The following AFF1 variants were observed in gnomAD, a reference collection of about 807,000 sequenced individuals.
The protein encoded by AFF1 is ALF transcription elongation factor 1, also known as AF4/FMR2 family member 1.
AFF1 carries 48 observed loss-of-function variants against 121.7 expected under a neutral mutation model. The observed-to-expected ratio is 0.39, with a 90% CI of 0.31 to 0.50. The LOEUF is 0.50. Among genes scored for constraint, AFF1 ranks in the 20% least tolerant of loss-of-function variants. The pLI, the probability that AFF1 is intolerant of heterozygous loss-of-function variation, is 0.76. For missense variants in AFF1, 1,523 were observed against 1,511.7 expected (o/e 1.01, Z -0.12); for synonymous variants, 613 against 563.0 (o/e 1.09, Z -1.26).
chr4:87,051,866 A>G (rs1731299795), intron 4 of AFF1, among the ~76,000 whole-genome samples: 1 of 152,148 alleles, frequency 6.6e-6, no homozygotes, highest in Non-Finnish European at 1.5e-5. Context: ...GGTCTCATAG[A>G]CCATCTATTC....
At chr4:87,115,381 T>G in intron 12 of AFF1, 82 bp downstream of exon 12, 2 of 1,331,756 alleles carry the variant, frequency 1.5e-6, no homozygotes, top group East Asian at 5.1e-5. Flanking sequence ...GGCCTTTGAT[T>G]TAGGCCCAGT....
chr4:87,013,032 CT>C (rs61071328), intron 2 of AFF1, among the ~76,000 whole-genome samples: 1,172 of 93,218 alleles, frequency 0.013, 10 homozygotes, highest in East Asian at 0.047. Context: ...CTATCAAGTT[CT>C]TTTTTTTTTT....
At chr4:87,017,391 TC>T (rs911471344) in intron 2 of AFF1, among the ~76,000 whole-genome samples, 1 of 152,138 alleles carries the variant, frequency 6.6e-6, no homozygotes, top group African/African-American at 2.4e-5. Context: ...CCGCTCATTT[TC>T]CCCCATATAC....
intron 8 of AFF1, among the ~76,000 whole-genome samples, chr4:87,103,805 A>G (rs565243923): frequency 2.0e-5 from 3 of 152,344 alleles, no homozygotes; most frequent in Admixed American, 1.3e-4. Flanking sequence ...GTTGGATTAC[A>G]TGATCATTGA....
chr4:87,060,834 T>TAAAAAA (rs1720676353), intron 4 of AFF1, among the ~76,000 whole-genome samples: 1 of 32,244 alleles, frequency 3.1e-5, no homozygotes, highest in Non-Finnish European at 6.1e-5. Flanking sequence ...AGACTCTGTC[T>TAAAAAA]CAAAAAAAAA....
rs549510832 is a variant in AFF1, at chr4:87,081,152, A to ATTTTTTTTTTTT, written c.1060-2952_1060-2941dup. On this transcript the variant is annotated intron_variant, in intron 4 of 20. Transcript: ENST00000395146. The stretch of plus-strand genomic sequence containing the variant: ...TTGTAGTTTTTCTCTAATGAAATGA[A>ATTTTTTTTTTTT]TTTTTTTTTTTTTTTTTTTTTTTTT... Among the ~76,000 whole-genome samples the ATTTTTTTTTTTT allele has an allele frequency of 7.7e-4, 69 of 89,712 alleles. 11 individuals carry two copies. The highest frequency in any genetic ancestry group is 3.0e-3 in the African/African-American group (67 of 22,698). 58.9% of individuals were successfully genotyped at this position (89,712 alleles called of 152,430 possible).
intron 2 of AFF1, chr4:86,973,989 C>G (rs918827714): frequency 1.6e-4 from 24 of 152,162 alleles, no homozygotes; most frequent in African/African-American, 5.1e-4. Flanking sequence ...GATAAACGCT[C>G]TAGCAGAAGA....
chr4:86,959,090 C>T (rs1477712676), intron 2 of AFF1, among the ~76,000 whole-genome samples: 1 of 152,152 alleles, frequency 6.6e-6, no homozygotes, highest in Non-Finnish European at 1.5e-5. Flanking sequence ...CACAGAACAG[C>T]CCCCACCACA....
intron 2 of AFF1, among the ~76,000 whole-genome samples, chr4:87,033,835 A>C (rs1288340164): frequency 6.6e-6 from 1 of 152,166 alleles, no homozygotes; most frequent in Non-Finnish European, 1.5e-5. Flanking sequence ...GTTAACTTCA[A>C]AATTTATTTA....
rs1287958753 is a variant in AFF1 at position 87,094,922 on chromosome 4, T to C, written c.1236T>C (p.Tyr412=). Residue 412 remains tyrosine, a synonymous_variant, in exon 8 of 21, where the codon TAT becomes TAC. Transcript: ENST00000395146. Reference sequence around the variant, plus strand: ...TGTTTCTCTCCCCCACAGAACAATATGATACATCTTCAAAAACTCACTCAA... The same window carrying C: ...TGTTTCTCTCCCCCACAGAACAATACGATACATCTTCAAAAACTCACTCAA... ...VSSVTQNQKQ[Y]DTSSKTHSNS... The C allele has an allele frequency of 9.9e-6, 16 of 1,613,620 alleles. No homozygotes were observed. Among genetic ancestry groups the C allele is most frequent in the Middle Eastern group, 1.6e-4 (1 of 6,084 alleles).
At chr4:87,044,572 G>T (rs995601293) in intron 2 of AFF1, among the ~76,000 whole-genome samples, 1 of 152,174 alleles carries the variant, frequency 6.6e-6, no homozygotes, top group Non-Finnish European at 1.5e-5. Context: ...AAGGATGGGG[G>T]TGTGTGGTGG....
chr4:87,024,034 G>A lies in AFF1; in HGVS notation c.39-22132G>A, dbSNP rs74856633. 3.9e-3 allele frequency among the ~76,000 whole-genome samples: 593 copies of A among 152,252 alleles called. 3 individuals carry two copies. Among genetic ancestry groups the A allele is most frequent in the African/African-American group, 0.013 (557 of 41,528 alleles). On this transcript the variant is annotated intron_variant, in intron 2 of 20. Coordinates refer to ENST00000395146, the MANE Select transcript of AFF1 (RefSeq NM_001166693.3). ...CTTTTATTAAGCAATTATTTATTGA[G>A]CATTCTGTTATGTTCTGATCTCTGA... is the stretch of plus-strand genomic sequence containing the variant.
chr4:87,115,369 T>C, intron 12 of AFF1, 70 bp downstream of exon 12: 1 of 1,409,714 alleles, frequency 7.1e-7, no homozygotes, highest in Non-Finnish European at 9.4e-7. Flanking sequence ...GTATCTTTGA[T>C]CGGCCTTTGA....
rs970041984 is a variant in AFF1 at position 86,986,213 on chromosome 4, A to G, written c.38+37642A>G. Among the ~76,000 whole-genome samples the G allele has an allele frequency of 2.6e-5, 4 of 152,182 alleles. No homozygotes were observed. In the South Asian group the frequency reaches 8.3e-4, roughly 32 times the overall value. On this transcript the variant is annotated intron_variant, in intron 2 of 20. Coordinates refer to ENST00000395146, the MANE Select transcript of AFF1 (RefSeq NM_001166693.3). The stretch of plus-strand genomic sequence containing the variant: ...CGACCTCCCGAGTAGCTGGGAGTAC[A>G]GGTGCCTGCCACCACGCCCAGCTAA...
At chr4:87,024,677 G>C (rs1041126932) in intron 2 of AFF1, among the ~76,000 whole-genome samples, 1 of 152,072 alleles carries the variant, frequency 6.6e-6, no homozygotes, top group Non-Finnish European at 1.5e-5. Context: ...TGCAACCTCT[G>C]CCTCCTGGGT....
intron 1 of AFF1, among the ~76,000 whole-genome samples, chr4:86,943,869 G>A (rs1221702417): frequency 6.6e-6 from 1 of 152,110 alleles, no homozygotes; most frequent in Non-Finnish European, 1.5e-5. Flanking sequence ...GGCTGAGGCA[G>A]GAGAATCGCT....
rs369703735 is a variant in AFF1, at chr4:87,135,705, A to G, written c.*4A>G. On this transcript the variant is annotated 3_prime_UTR_variant, in exon 21 of 21. Coordinates refer to ENST00000395146, the MANE Select transcript of AFF1 (RefSeq NM_001166693.3). ...AGAATTAACCAAAACACCTTAATGGAGCCCCAGGTTGATTCAATGCCTTGG... is the reference window on the plus strand; with the variant it reads ...AGAATTAACCAAAACACCTTAATGGGGCCCCAGGTTGATTCAATGCCTTGG... 1.9e-6 allele frequency: 3 copies of G among 1,609,178 alleles called. No individual in the cohort carries two copies. In the African/African-American group the frequency reaches 4.0e-5, roughly 22 times the overall value.
intron 2 of AFF1, among the ~76,000 whole-genome samples, chr4:87,002,129 G>C (rs1725774679): frequency 6.7e-6 from 1 of 148,316 alleles, no homozygotes; most frequent in African/African-American, 2.5e-5. Flanking sequence ...TCCCAGAGAC[G>C]GTCTTGCTCT....
At chr4:87,074,369 C>G (rs1057506083) in intron 4 of AFF1, among the ~76,000 whole-genome samples, 1 of 152,086 alleles carries the variant, frequency 6.6e-6, no homozygotes. Flanking sequence ...GCTGTGCCCA[C>G]AATGGGCTTC....
Sources: gnomAD v4.1 joint callset for allele counts (sites outside exome capture counted in the v4.1 genomes callset) on GRCh38, gnomAD v4.1.1 for gene constraint, MANE v1.5 for transcripts, NCBI Gene and HGNC (gene_info 2026-07-23, HGNC 2026-07-21) for gene names.